The following UGDH variants were observed in gnomAD, a reference collection of about 807,000 sequenced individuals.
UGDH encodes the protein UDP-glucose 6-dehydrogenase.
Under a neutral mutation model 50.6 loss-of-function variants are expected in UGDH, and 38 were observed. The observed-to-expected ratio is 0.75, with a 90% CI of 0.58 to 0.98. The LOEUF (loss-of-function observed/expected upper bound fraction) is 0.98. UGDH is among the 50% of genes least tolerant of loss of function. The pLI is 0.00. For missense variants in UGDH, 465 were observed against 606.2 expected (o/e 0.77, Z 2.45); for synonymous variants, 168 against 199.9 (o/e 0.84, Z 1.35).
chr4:39,523,899 C>T (rs757904486), intron 1 of UGDH, among the ~76,000 whole-genome samples: 6 of 152,170 alleles, frequency 3.9e-5, no homozygotes, highest in Non-Finnish European at 7.3e-5. Context: ...AAGTCTCACT[C>T]CAACCCCTTC....
intron 2 of UGDH, among the ~76,000 whole-genome samples, chr4:39,518,164 C>T (rs1474244795): frequency 1.3e-5 from 2 of 152,106 alleles, no homozygotes; most frequent in African/African-American, 2.4e-5. Flanking sequence ...CCCCTGACCT[C>T]AGGTGATCCG....
intron 7 of UGDH, 132 bp downstream of exon 7, chr4:39,508,434 A>T: frequency 3.9e-6 from 3 of 778,640 alleles, no homozygotes; most frequent in Non-Finnish European, 6.0e-6. Flanking sequence ...GGGTCTCACT[A>T]TGTTGCCCAG....
In UGDH at chr4:39,527,270, G is replaced by A. The variant is rs1746946395; in HGVS notation, c.-8+13C>T. The A allele has an allele frequency of 2.1e-6, 1 of 465,552 alleles. No individual in the cohort carries two copies. Among genetic ancestry groups the A allele is most frequent in the African/African-American group, 2.1e-5 (1 of 48,590 alleles). 28.8% of individuals were successfully genotyped at this position (465,552 alleles called of 1,614,324 possible). ...CGCCCGGGCGGCGGGGCCAGCCTGGGAGCGGCGCTTACCCACTTCCCAGCA... is the reference window on the plus strand; with the variant it reads ...CGCCCGGGCGGCGGGGCCAGCCTGGAAGCGGCGCTTACCCACTTCCCAGCA... On this transcript the variant is annotated intron_variant, in intron 1 of 11. Coordinates refer to ENST00000316423, the MANE Select transcript of UGDH (RefSeq NM_003359.4).
chr4:39,520,576 A>T (rs1307873049), intron 2 of UGDH, among the ~76,000 whole-genome samples: 1 of 152,070 alleles, frequency 6.6e-6, no homozygotes, highest in Non-Finnish European at 1.5e-5. Context: ...TTGAAATTCC[A>T]GTTAAAAATA....
rs1274690029 is a variant in UGDH, at chr4:39,500,316, G to A, written c.1375-63C>T. The A allele has an allele frequency of 5.8e-5, 60 of 1,038,148 alleles. 1 individual carries two copies. Among genetic ancestry groups the A allele is most frequent in the Non-Finnish European group, 8.1e-5 (58 of 712,766 alleles). 64.3% of individuals were successfully genotyped at this position (1,038,148 alleles called of 1,614,324 possible). A position where few individuals can be genotyped will look rare whatever the true frequency, so the allele number is the denominator to read the frequency against. ...TTATATAAGTGTAAGAATTTATAAT[G>A]TACTGAAATGGGAGCAGGGGGAATC... On this transcript the variant is annotated intron_variant, in intron 11 of 11. Transcript: ENST00000316423.
At chr4:39,503,638 A>G (rs1745912659) in intron 11 of UGDH, among the ~76,000 whole-genome samples, 1 of 152,200 alleles carries the variant, frequency 6.6e-6, no homozygotes, top group African/African-American at 2.4e-5. Context: ...AAACCCACAC[A>G]ATGGGTTTAA....
chr4:39,510,354 A>C lies in UGDH; in HGVS notation c.662T>G (p.Leu221Arg). 1 of 1,614,200 alleles carries C rather than the reference A, an allele frequency of 6.2e-7. No individual in the cohort carries two copies. Among genetic ancestry groups the C allele is most frequent in the Non-Finnish European group, 8.5e-7 (1 of 1,180,034 alleles). Residue 221 changes from leucine to arginine, a missense_variant and splice_region_variant, in exon 5 of 12, where the codon CTG becomes CGG. Transcript: ENST00000316423. The part of the protein sequence containing the change: ...TNTWSSELSK[L>R]AANAFLAQRI... Reference sequence around the variant, plus strand: ...AAGAGTTGAATGCTATATACTAACCAGTTTGGAAAGCTCTGAAGACCAAGT... The same window carrying C: ...AAGAGTTGAATGCTATATACTAACCCGTTTGGAAAGCTCTGAAGACCAAGT...
At chr4:39,522,243 T>C (rs1219554616) in intron 1 of UGDH, among the ~76,000 whole-genome samples, 2 of 152,228 alleles carry the variant, frequency 1.3e-5, no homozygotes, top group Non-Finnish European at 2.9e-5. Context: ...TGATTCACAC[T>C]AATCAAAATG....
Position 39,504,438 on chromosome 4 carries a change from G to A in UGDH, c.1242C>T (p.Cys414=). 1.2e-6 allele frequency: 2 copies of A among 1,613,998 alleles called. No homozygotes were observed. Among genetic ancestry groups the A allele is most frequent in the Non-Finnish European group, 1.7e-6 (2 of 1,179,982 alleles). ...ACDGAHAVVI[C]TEWDMFKELD... is the part of the protein sequence containing the mutation. ...TTACCTTAAACATGTCCCACTCAGT[G>A]CAAATAACAACAGCATGGGCACCAT... Residue 414 remains cysteine, a synonymous_variant, in exon 10 of 12, where the codon TGC becomes TGT. Coordinates refer to ENST00000316423, the MANE Select transcript of UGDH (RefSeq NM_003359.4).
chr4:39,508,476 C>T, intron 7 of UGDH, 90 bp downstream of exon 7: 1 of 1,279,260 alleles, frequency 7.8e-7, no homozygotes, highest in Non-Finnish European at 1.1e-6. Context: ...TCAAGTGATG[C>T]TCTTGCCTTG....
chr4:39,525,626 C>T (rs1055034546), intron 1 of UGDH, among the ~76,000 whole-genome samples: 28 of 151,860 alleles, frequency 1.8e-4, no homozygotes, highest in African/African-American at 6.8e-4. Context: ...CCTGCCTCAG[C>T]CTCCCGAGTA....
chr4:39,525,742 C>T (rs375887777), intron 1 of UGDH, among the ~76,000 whole-genome samples: 6 of 152,210 alleles, frequency 3.9e-5, no homozygotes, highest in African/African-American at 1.4e-4. Flanking sequence ...ATCTCCTGAC[C>T]TCGTGATCCG....
chr4:39,503,153 G>A (rs1180847360), intron 11 of UGDH, among the ~76,000 whole-genome samples: 3 of 152,180 alleles, frequency 2.0e-5, no homozygotes, highest in Non-Finnish European at 2.9e-5. Flanking sequence ...CTGACCTTGT[G>A]ATCCGCCCGC....
In UGDH at chr4:39,526,778, A is replaced by T. The variant is rs79272046; in HGVS notation, c.-8+505T>A. 8.1e-3 allele frequency among the ~76,000 whole-genome samples: 1,240 copies of T among 152,242 alleles called. 13 individuals are homozygous for T. The highest frequency in any genetic ancestry group is 0.028 in the African/African-American group (1,168 of 41,538). On this transcript the variant is annotated intron_variant, in intron 1 of 11. Coordinates refer to ENST00000316423, the MANE Select transcript of UGDH (RefSeq NM_003359.4). ...ATGGATTCCAGGACATCCCGGACAG[A>T]TATCACGGCAGTCTTAGTATTTTGC...
chr4:39,501,666 T>C (rs1745825948), intron 11 of UGDH, among the ~76,000 whole-genome samples: 1 of 152,314 alleles, frequency 6.6e-6, no homozygotes, highest in South Asian at 2.1e-4. Context: ...TCTCTAGGTC[T>C]TTCTTCCTCA....
intron 2 of UGDH, 148 bp downstream of exon 2, chr4:39,521,203 A>T: frequency 1.4e-6 from 1 of 732,774 alleles, no homozygotes; most frequent in Non-Finnish European, 2.0e-6. Flanking sequence ...AATGTGTTTT[A>T]ATGTCCATGT....
chr4:39,523,918 C>T, intron 1 of UGDH, among the ~76,000 whole-genome samples: 1 of 152,138 alleles, frequency 6.6e-6, no homozygotes, highest in Non-Finnish European at 1.5e-5. Flanking sequence ...TCCTTATCTA[C>T]TTTGCTATCC....
At chr4:39,521,602 A>G in intron 1 of UGDH, 83 bp from the exon 2 acceptor site, 4 of 1,144,456 alleles carry the variant, frequency 3.5e-6, no homozygotes, top group Admixed American at 3.3e-5. Flanking sequence ...TATACTTTAT[A>G]AAAACTGTCA....
Position 39,505,303 on chromosome 4 carries a change from G to C in UGDH, c.1105C>G (p.Pro369Ala). 2 of 1,602,506 alleles carry C rather than the reference G, an allele frequency of 1.2e-6. No individual in the cohort carries two copies. Among genetic ancestry groups the C allele is most frequent in the Non-Finnish European group, 1.7e-6 (2 of 1,175,942 alleles). ...ACTATTTGTTCCCTAGGTACTTTTG[G>C]ATCATATATATGTAGATGTGCACCT... ...DEGAHLHIYD[P>A]KVPREQIVVD... is the part of the protein sequence containing the mutation. Residue 369 changes from proline to alanine, a missense_variant, in exon 9 of 12, where the codon CCA (proline) becomes GCA (alanine). Physicochemically the swap from Pro to Ala is conservative, Grantham distance 27. Transcript: ENST00000316423.
Sources: allele counts gnomAD v4.1 joint callset (sites outside exome capture counted in the v4.1 genomes callset), GRCh38; gene constraint gnomAD v4.1.1; transcripts MANE v1.5; gene names NCBI Gene and HGNC (gene_info 2026-07-23, HGNC 2026-07-21).